KIF16B: variants seen among roughly 807,000 people sequenced by gnomAD.
The protein encoded by KIF16B is kinesin-like protein KIF16B.
KIF16B carries 98 observed loss-of-function variants against 156.3 expected under a neutral mutation model. The ratio of observed to expected loss-of-function variants is 0.63; its 90% CI spans 0.53 to 0.74. The LOEUF (loss-of-function observed/expected upper bound fraction) is 0.74, where lower values mean the gene tolerates loss of function less well. KIF16B is among the 30% of genes least tolerant of loss of function. KIF16B has a pLI of 0.00. For synonymous variants in KIF16B, 564 were observed against 583.7 expected (o/e 0.97, Z 0.49); for missense variants, 1,421 against 1,606.5 (o/e 0.88, Z 1.97).
chr20:16,530,619 C>G (rs4814506), intron 1 of KIF16B, among the ~76,000 whole-genome samples: 1 of 152,008 alleles, frequency 6.6e-6, no homozygotes, highest in South Asian at 2.1e-4. Context: ...AGGGGAGAGC[C>G]GGAGTCAGAG....
At chr20:16,383,567 A>G (rs1311848255) in intron 17 of KIF16B, among the ~76,000 whole-genome samples, 1 of 152,222 alleles carries the variant, frequency 6.6e-6, no homozygotes, top group East Asian at 1.9e-4. Context: ...CCCATATGCA[A>G]TTGCATTAAG....
In KIF16B at chr20:16,557,806, C is replaced by A. The variant is rs966110659; in HGVS notation, c.47+15423G>T. Among the ~76,000 whole-genome samples the A allele has an allele frequency of 4.6e-5, 7 of 152,238 alleles. No homozygotes were observed. The South Asian group carries it at 1.2e-3, about 27-fold the overall frequency. On this transcript the variant is annotated intron_variant, in intron 1 of 25. Transcript: ENST00000354981. ...TTGTTTGTTTCCGCTAAAATCCTTGCCAATATTTGAAAATTTAGGGATTTT... is the reference window on the plus strand; with the variant it reads ...TTGTTTGTTTCCGCTAAAATCCTTGACAATATTTGAAAATTTAGGGATTTT...
At chr20:16,474,810 G>A (rs2067764961) in intron 12 of KIF16B, among the ~76,000 whole-genome samples, 1 of 152,164 alleles carries the variant, frequency 6.6e-6, no homozygotes, top group Non-Finnish European at 1.5e-5. Flanking sequence ...TTTTGGTGAG[G>A]GAAAAACAGA....
intron 1 of KIF16B, among the ~76,000 whole-genome samples, chr20:16,543,159 G>A (rs1039784173): frequency 1.1e-4 from 16 of 152,218 alleles, no homozygotes; most frequent in African/African-American, 3.9e-4. Context: ...TAGTTTATCT[G>A]TGTTGTCCTC....
chr20:16,420,642 T>C (rs748385692), intron 15 of KIF16B, among the ~76,000 whole-genome samples: 9 of 152,086 alleles, frequency 5.9e-5, no homozygotes, highest in Non-Finnish European at 1.3e-4. Context: ...CAGTCTCTCT[T>C]CTTGACATCT....
At chr20:16,419,455 C>T (rs957591635) in intron 15 of KIF16B, among the ~76,000 whole-genome samples, 2 of 152,130 alleles carry the variant, frequency 1.3e-5, no homozygotes, top group African/African-American at 4.8e-5. Context: ...AGCAGCCCTC[C>T]AGCAGATGAA....
intron 17 of KIF16B, among the ~76,000 whole-genome samples, chr20:16,404,017 T>C (rs980679495): frequency 6.6e-6 from 1 of 152,070 alleles, no homozygotes; most frequent in Non-Finnish European, 1.5e-5. Context: ...ACATGTAAAA[T>C]GGGAATAGGT....
chr20:16,289,318 G>C (rs2063278324), intron 25 of KIF16B, among the ~76,000 whole-genome samples: 1 of 152,128 alleles, frequency 6.6e-6, no homozygotes, highest in Admixed American at 6.5e-5. Context: ...ACCCAGAGTT[G>C]ATACTGTCTA....
rs547097383 is a variant in KIF16B, at chr20:16,471,661, T to C, written c.1302+22630A>G. Among the ~76,000 whole-genome samples the C allele has an allele frequency of 2.6e-5, 4 of 152,288 alleles. No homozygotes were observed. The East Asian group carries it at 7.7e-4, about 29-fold the overall frequency. ...GTATATTTAGTCATAAAAGCCTTAA[T>C]AAAAATATGATTTTAAAAATCCATC... is the stretch of plus-strand genomic sequence containing the variant. On this transcript the variant is annotated intron_variant, in intron 12 of 25. Coordinates refer to ENST00000354981, the MANE Select transcript of KIF16B (RefSeq NM_024704.5).
chr20:16,278,343 G>T (rs2063095324), intron 25 of KIF16B, among the ~76,000 whole-genome samples: 1 of 152,124 alleles, frequency 6.6e-6, no homozygotes, highest in African/African-American at 2.4e-5. Flanking sequence ...TACCAAGCTG[G>T]CAAAAAGAAT....
intron 10 of KIF16B, among the ~76,000 whole-genome samples, chr20:16,500,441 A>C (rs1324252822): frequency 6.6e-6 from 1 of 152,072 alleles, no homozygotes; most frequent in Non-Finnish European, 1.5e-5. Flanking sequence ...GGTTAGAGCA[A>C]ATTTTCATTA....
chr20:16,478,174 G>A (rs1433780466), intron 12 of KIF16B, among the ~76,000 whole-genome samples: 1 of 152,144 alleles, frequency 6.6e-6, no homozygotes, highest in Non-Finnish European at 1.5e-5. Flanking sequence ...GGGTCAGAGG[G>A]CAAATCATTT....
At chr20:16,368,475 G>A in intron 22 of KIF16B, 1 of 986,316 alleles carries the variant, frequency 1.0e-6, no homozygotes, top group Non-Finnish European at 1.2e-6. Context: ...TTACCTGGGA[G>A]GGGAGCCCCC....
At chr20:16,416,595 A>C (rs992437139) in intron 15 of KIF16B, among the ~76,000 whole-genome samples, 2 of 152,018 alleles carry the variant, frequency 1.3e-5, no homozygotes, top group African/African-American at 4.8e-5. Context: ...GGGTGCGGAG[A>C]CCATCAGGAA....
chr20:16,514,582 G>GAAAAAA (rs540602451), intron 4 of KIF16B, among the ~76,000 whole-genome samples: 66 of 76,902 alleles, frequency 8.6e-4, no homozygotes, highest in African/African-American at 2.5e-3. Flanking sequence ...TAAGAAATAA[G>GAAAAAA]AAAAAAAAAA....
intron 1 of KIF16B, among the ~76,000 whole-genome samples, chr20:16,544,482 C>T (rs1412499086): frequency 6.6e-6 from 1 of 151,820 alleles, no homozygotes; most frequent in East Asian, 1.9e-4. Flanking sequence ...TGGCAGGTGT[C>T]TATAATCCCA....
chr20:16,543,629 G>A (rs2070289022), intron 1 of KIF16B, among the ~76,000 whole-genome samples: 1 of 152,070 alleles, frequency 6.6e-6, no homozygotes, highest in African/African-American at 2.4e-5. Flanking sequence ...AACCATAAAG[G>A]ACTAAATTTT....
At chr20:16,565,432 C>G (rs2071216973) in intron 1 of KIF16B, among the ~76,000 whole-genome samples, 1 of 152,094 alleles carries the variant, frequency 6.6e-6, no homozygotes, top group Non-Finnish European at 1.5e-5. Context: ...GTTGTGAACC[C>G]CCTATAAAAG....
intron 2 of KIF16B, among the ~76,000 whole-genome samples, chr20:16,526,462 T>C (rs2147143191): frequency 6.6e-6 from 1 of 152,346 alleles, no homozygotes; most frequent in East Asian, 1.9e-4. Context: ...AGCCAGACTC[T>C]GTATTTCCAC....
Sources: allele counts gnomAD v4.1 joint callset (sites outside exome capture counted in the v4.1 genomes callset), GRCh38; gene constraint gnomAD v4.1.1; transcripts MANE v1.5; gene names NCBI Gene and HGNC (gene_info 2026-07-23, HGNC 2026-07-21).